The following WLS variants were observed in gnomAD, a reference collection of about 807,000 sequenced individuals.
The protein encoded by WLS is Wnt ligand secretion mediator, also known as protein wntless homolog.
Under a neutral mutation model 62.8 loss-of-function variants are expected in WLS, and 23 were observed. The ratio of observed to expected loss-of-function variants is 0.37; its 90% CI spans 0.26 to 0.52. WLS has a LOEUF of 0.52. Among genes scored for constraint, WLS ranks in the 20% least tolerant of loss-of-function variants. The pLI, the probability that WLS is intolerant of heterozygous loss-of-function variation, is 0.92. For missense variants in WLS, 615 were observed against 697.3 expected, an observed-to-expected ratio of 0.88 and a Z score of 1.33; for synonymous variants, 246 against 244.1, an observed-to-expected ratio of 1.01 and a Z score of -0.07.
chr1:68,125,795 T>C lies in WLS; in HGVS notation c.*431A>G. Reference sequence around the variant, plus strand: ...GAGTGAGAAGACTATGACACCAGCCTACCTTGGACTGGGACCGCAAAGGAT... The same window carrying C: ...GAGTGAGAAGACTATGACACCAGCCCACCTTGGACTGGGACCGCAAAGGAT... On this transcript the variant is annotated 3_prime_UTR_variant, in exon 12 of 12. Coordinates refer to ENST00000262348, the MANE Select transcript of WLS (RefSeq NM_024911.7). 1 of 995,978 alleles carries C rather than the reference T, an allele frequency of 1.0e-6. No homozygotes were observed. The highest frequency in any genetic ancestry group is 4.5e-5 in the South Asian group (1 of 22,268). 61.7% of individuals were successfully genotyped at this position (995,978 alleles called of 1,614,324 possible). A position where few individuals can be genotyped will look rare whatever the true frequency, so the allele number is the denominator to read the frequency against.
intron 10 of WLS, 131 bp from the exon 11 acceptor site, chr1:68,138,064 G>A: frequency 2.0e-6 from 2 of 1,014,856 alleles, no homozygotes; most frequent in East Asian, 5.0e-5. Context: ...GGCCATGTAA[G>A]ACTCCATCTT....
At chr1:68,191,327 C>G (rs1648290546) in intron 2 of WLS, among the ~76,000 whole-genome samples, 1 of 152,108 alleles carries the variant, frequency 6.6e-6, no homozygotes. Flanking sequence ...CTCATCCTCC[C>G]ATGGCTCTTC....
chr1:68,124,657 G>A (rs958111759), downstream of WLS, among the ~76,000 whole-genome samples: 28 of 152,276 alleles, frequency 1.8e-4, no homozygotes, highest in African/African-American at 4.8e-4. Context: ...GCACAGGATC[G>A]TACACCATCC....
chr1:68,130,402 A>G (rs1017992655), intron 11 of WLS, among the ~76,000 whole-genome samples: 1 of 152,176 alleles, frequency 6.6e-6, no homozygotes, highest in Non-Finnish European at 1.5e-5. Flanking sequence ...TTTGTTCTCA[A>G]GGTCATACAC....
chr1:68,110,661 C>G (rs1309216890), intron 11 of WLS, among the ~76,000 whole-genome samples: 5 of 8,216 alleles, frequency 6.1e-4, no homozygotes, highest in East Asian at 5.7e-3. Flanking sequence ...ATCTCTGTCT[C>G]TCTCTCTCTC....
chr1:68,125,507 A>G lies in WLS; in HGVS notation c.*719T>C, dbSNP rs1646416541. The G allele has an allele frequency of 1.0e-6, 1 of 985,356 alleles. No individual in the cohort carries two copies. Among genetic ancestry groups the G allele is most frequent in the Non-Finnish European group, 1.2e-6 (1 of 829,944 alleles). The allele number at this position is 985,356 out of a possible 1,614,324, so 61.0% of individuals were successfully genotyped here. ...AAGCAAGAAGTTAAAAAAGCTTTTC[A>G]GACCCGAAGGCCATTTAATACAGTA... On this transcript the variant is annotated 3_prime_UTR_variant, in exon 12 of 12. Coordinates refer to ENST00000262348, the MANE Select transcript of WLS (RefSeq NM_024911.7).
chr1:68,214,374 T>G (rs1008437933), intron 1 of WLS, among the ~76,000 whole-genome samples: 1 of 152,050 alleles, frequency 6.6e-6, no homozygotes, highest in Non-Finnish European at 1.5e-5. Flanking sequence ...TTACTCCTTT[T>G]TTTTTTTTGA....
At chr1:68,128,907 G>A (rs1646475520) in intron 11 of WLS, among the ~76,000 whole-genome samples, 1 of 150,412 alleles carries the variant, frequency 6.6e-6, no homozygotes, top group African/African-American at 2.4e-5. Context: ...CAAATAAATA[G>A]GTGCCAGGAT....
intron 2 of WLS, among the ~76,000 whole-genome samples, chr1:68,174,716 C>T (rs756595182): frequency 5.3e-5 from 8 of 152,314 alleles, no homozygotes; most frequent in South Asian, 4.1e-4. Context: ...TTTCGGGTCA[C>T]GCTAGCACTG....
chr1:68,129,629 T>A (rs1442143781), intron 11 of WLS, among the ~76,000 whole-genome samples: 1 of 152,188 alleles, frequency 6.6e-6, no homozygotes, highest in Non-Finnish European at 1.5e-5. Context: ...GAAGGCCAAC[T>A]GTTCCCCCTT....
chr1:68,116,860 G>A (rs1388624463), intron 11 of WLS, among the ~76,000 whole-genome samples: 2 of 148,620 alleles, frequency 1.3e-5, no homozygotes, highest in African/African-American at 2.6e-5. Context: ...AAATAGCTGT[G>A]GACTGATTAA....
chr1:68,147,374 T>C (rs1031473097), intron 8 of WLS, among the ~76,000 whole-genome samples: 2 of 152,182 alleles, frequency 1.3e-5, no homozygotes, highest in African/African-American at 4.8e-5. Flanking sequence ...TTGCTCACAA[T>C]GTTCTTGTGA....
chr1:68,180,025 AG>A (rs36100617), intron 2 of WLS, among the ~76,000 whole-genome samples: 52,124 of 150,884 alleles, frequency 0.35, 9,377 homozygotes, highest in Non-Finnish European at 0.4. Context: ...ATGCTGAGGG[AG>A]GGGGAAGTTA....
Position 68,148,660 on chromosome 1 carries a change from C to T in WLS, c.973G>A (p.Asp325Asn), listed in dbSNP as rs1198782090. The T allele has an allele frequency of 1.2e-6, 2 of 1,613,362 alleles. No individual in the cohort carries two copies. Among genetic ancestry groups the T allele is most frequent in the Non-Finnish European group, 1.7e-6 (2 of 1,179,804 alleles). Reference sequence around the variant, plus strand: ...GCGATGTGGTTCCGCTCGTGCTGATCCTGAGGAAAACCAAATTGAGAAGGG... The same window carrying T: ...GCGATGTGGTTCCGCTCGTGCTGATTCTGAGGAAAACCAAATTGAGAAGGG... ...WIIFCGEHMM[D>N]QHERNHIAGY... Residue 325 changes from aspartate to asparagine, a missense_variant and splice_region_variant, in exon 7 of 12, where the codon GAT becomes AAT. Transcript: ENST00000262348.
chr1:68,205,391 T>C (rs186858047), intron 1 of WLS, among the ~76,000 whole-genome samples: 2 of 152,246 alleles, frequency 1.3e-5, no homozygotes, highest in East Asian at 3.9e-4. Flanking sequence ...AAAACAATGG[T>C]AATTTTTTTA....
Position 68,125,973 on chromosome 1 carries a change from A to C in WLS, c.*253T>G. 1 of 1,292,890 alleles carries C rather than the reference A, an allele frequency of 7.7e-7. No homozygotes were observed. Among genetic ancestry groups the C allele is most frequent in the Non-Finnish European group, 9.8e-7 (1 of 1,016,908 alleles). The allele number at this position is 1,292,890 out of a possible 1,614,324, so 80.1% of individuals were successfully genotyped here. A position where few individuals can be genotyped will look rare whatever the true frequency, so the allele number is the denominator to read the frequency against. Reference sequence around the variant, plus strand: ...ACAGATGTTACTATGTCACTAATTAACAATGATCACAGAAAATGTGTCATA... The same window carrying C: ...ACAGATGTTACTATGTCACTAATTACCAATGATCACAGAAAATGTGTCATA... On this transcript the variant is annotated 3_prime_UTR_variant, in exon 12 of 12. Transcript: ENST00000262348.
intron 2 of WLS, chr1:68,162,387 C>G (rs181820900): frequency 6.2e-7 from 1 of 1,613,906 alleles, no homozygotes; most frequent in African/African-American, 1.3e-5. Flanking sequence ...CGCAGTCGCT[C>G]TGATACAGCA....
intron 5 of WLS, among the ~76,000 whole-genome samples, chr1:68,152,608 G>A (rs1646842101): frequency 6.6e-6 from 1 of 152,218 alleles, no homozygotes; most frequent in Admixed American, 6.5e-5. Context: ...CCCGTGAAAA[G>A]CAGTTTTAGT....
intron 8 of WLS, among the ~76,000 whole-genome samples, chr1:68,147,358 T>G (rs763003784): frequency 2.6e-5 from 4 of 152,208 alleles, no homozygotes; most frequent in Non-Finnish European, 4.4e-5. Flanking sequence ...ATACTACTGA[T>G]TTAGTTTGCT....
Sources: allele counts gnomAD v4.1 joint callset (sites outside exome capture counted in the v4.1 genomes callset), GRCh38; gene constraint gnomAD v4.1.1; transcripts MANE v1.5; gene names NCBI Gene and HGNC (gene_info 2026-07-23, HGNC 2026-07-21).